The following ELMO1 variants were observed in gnomAD, a reference collection of about 807,000 sequenced individuals.
The protein encoded by ELMO1 is engulfment and cell motility protein 1.
A neutral mutation model predicts 98.9 loss-of-function variants in ELMO1; 26 were observed. That is an observed-to-expected ratio of 0.26 (90% CI 0.19 to 0.36). ELMO1 has a LOEUF of 0.36. Ranked by LOEUF, ELMO1 falls within the 10% of genes least tolerant of loss-of-function variation. The pLI is 1.00. For synonymous variants in ELMO1, 346 were observed against 346.0 expected (o/e 1.00, Z 0.00); for missense variants, 627 against 935.2 (o/e 0.67, Z 4.30).
At chr7:37,209,528 G>A (rs747104787) in intron 13 of ELMO1, among the ~76,000 whole-genome samples, 1 of 152,198 alleles carries the variant, frequency 6.6e-6, no homozygotes, top group Non-Finnish European at 1.5e-5. Flanking sequence ...CTCTCCCTCA[G>A]AAGAGGAATC....
intron 13 of ELMO1, among the ~76,000 whole-genome samples, chr7:37,150,610 AAT>A (rs553770649): frequency 5.4e-4 from 82 of 152,286 alleles, no homozygotes; most frequent in African/African-American, 1.6e-3. Context: ...AGTCCTTGTC[AAT>A]ATATGTTTTA....
At chr7:37,428,615 G>C (rs1336349476) in intron 1 of ELMO1, among the ~76,000 whole-genome samples, 1 of 152,168 alleles carries the variant, frequency 6.6e-6, no homozygotes, top group Non-Finnish European at 1.5e-5. Context: ...GTATTAGAAA[G>C]ACCCCTAGGA....
intron 18 of ELMO1, among the ~76,000 whole-genome samples, chr7:36,879,376 T>C (rs75477604): frequency 0.011 from 1,618 of 152,360 alleles, 34 homozygotes; most frequent in African/African-American, 0.038. Context: ...CACTGTGCGG[T>C]TGGTACCCTT....
intron 15 of ELMO1, among the ~76,000 whole-genome samples, chr7:37,017,015 A>T (rs958359279): frequency 6.6e-6 from 1 of 152,244 alleles, no homozygotes; most frequent in Admixed American, 6.5e-5. Context: ...GTAAAACCTT[A>T]CAAGAGGCAC....
At chr7:36,994,906 C>T (rs1562884034) in intron 16 of ELMO1, among the ~76,000 whole-genome samples, 1 of 152,136 alleles carries the variant, frequency 6.6e-6, no homozygotes, top group African/African-American at 2.4e-5. Context: ...CTGGCCCAAA[C>T]CCAGGCTCTA....
intron 13 of ELMO1, among the ~76,000 whole-genome samples, chr7:37,207,840 A>AAAAC (rs542104398): frequency 0.011 from 1,607 of 152,246 alleles, 14 homozygotes; most frequent in Non-Finnish European, 0.017. Context: ...AACTCTACCA[A>AAAAC]AAACAAACAA....
chr7:37,193,241 G>A (rs1383291167), intron 13 of ELMO1, among the ~76,000 whole-genome samples: 2 of 152,036 alleles, frequency 1.3e-5, no homozygotes, highest in East Asian at 1.9e-4. Flanking sequence ...TGAGGGGGGA[G>A]GCTCAAAGAG....
At chr7:36,969,722 G>A (rs1398432078) in intron 16 of ELMO1, among the ~76,000 whole-genome samples, 9 of 152,052 alleles carry the variant, frequency 5.9e-5, no homozygotes, top group Admixed American at 3.3e-4. Flanking sequence ...GATGATCCTG[G>A]GGCTGGGTCT....
intron 1 of ELMO1, among the ~76,000 whole-genome samples, chr7:37,384,382 T>G (rs1802704856): frequency 6.6e-6 from 1 of 152,164 alleles, no homozygotes; most frequent in Admixed American, 6.5e-5. Context: ...TAAACAGGAA[T>G]GAGCAAAATA....
intron 2 of ELMO1, among the ~76,000 whole-genome samples, chr7:37,318,022 G>C (rs1326713374): frequency 6.6e-6 from 1 of 152,186 alleles, no homozygotes; most frequent in Non-Finnish European, 1.5e-5. Context: ...TAGAATTACT[G>C]AGGAGCAGAA....
intron 16 of ELMO1, among the ~76,000 whole-genome samples, chr7:36,943,047 A>C (rs1313129308): frequency 6.6e-6 from 1 of 152,226 alleles, no homozygotes; most frequent in Non-Finnish European, 1.5e-5. Flanking sequence ...TGTGACACAG[A>C]CTACCTGCGG....
chr7:37,367,615 G>A (rs565070178), intron 1 of ELMO1, among the ~76,000 whole-genome samples: 54 of 152,284 alleles, frequency 3.5e-4, no homozygotes, highest in East Asian at 1.2e-3. Context: ...GAAGACTAAG[G>A]AAGAAAGAAT....
chr7:37,379,426 T>G (rs1266197116), intron 1 of ELMO1, among the ~76,000 whole-genome samples: 1 of 152,196 alleles, frequency 6.6e-6, no homozygotes, highest in Non-Finnish European at 1.5e-5. Flanking sequence ...ATTCTCCACC[T>G]GGGAAGCTCT....
intron 1 of ELMO1, among the ~76,000 whole-genome samples, chr7:37,397,798 C>G (rs139168695): frequency 1.7e-3 from 259 of 152,302 alleles, no homozygotes; most frequent in African/African-American, 6.0e-3. Context: ...AGTACATATA[C>G]ACCATGGAAT....
chr7:36,894,003 T>C (rs951289852), intron 17 of ELMO1, among the ~76,000 whole-genome samples: 3 of 152,192 alleles, frequency 2.0e-5, no homozygotes, highest in Admixed American at 2.0e-4. Context: ...GTTGGCTTCA[T>C]GCAAAAGCTC....
chr7:37,229,854 T>C (rs1794073196), intron 8 of ELMO1, among the ~76,000 whole-genome samples: 2 of 152,242 alleles, frequency 1.3e-5, no homozygotes, highest in African/African-American at 4.8e-5. Flanking sequence ...CTTAATTTTT[T>C]ATTTAAACCA....
chr7:37,084,640 A>C (rs1783665264), intron 15 of ELMO1, among the ~76,000 whole-genome samples: 1 of 152,202 alleles, frequency 6.6e-6, no homozygotes. Context: ...TTGTAAATGA[A>C]GATGTTGCAG....
At chr7:37,077,695 A>G (rs1797656721) in intron 15 of ELMO1, among the ~76,000 whole-genome samples, 1 of 152,164 alleles carries the variant, frequency 6.6e-6, no homozygotes, top group African/African-American at 2.4e-5. Context: ...TGAGGCAGTG[A>G]CTGAAGATGG....
chr7:37,037,423 G>A (rs768191211), intron 15 of ELMO1, among the ~76,000 whole-genome samples: 18 of 152,162 alleles, frequency 1.2e-4, no homozygotes, highest in Non-Finnish European at 2.2e-4. Context: ...AACTCTGTCC[G>A]CTAACCCCTA....
Sources: gnomAD v4.1 joint callset for allele counts (sites outside exome capture counted in the v4.1 genomes callset) on GRCh38, gnomAD v4.1.1 for gene constraint, MANE v1.5 for transcripts, NCBI Gene and HGNC (gene_info 2026-07-23, HGNC 2026-07-21) for gene names.